Variants in ZEB1 observed in about 807,000 individuals in gnomAD.
The protein encoded by ZEB1 is zinc finger E-box-binding homeobox 1.
Under a neutral mutation model 84.9 loss-of-function variants are expected in ZEB1, and 21 were observed. That is an observed-to-expected ratio of 0.25 (90% CI 0.18 to 0.36). The LOEUF (loss-of-function observed/expected upper bound fraction) is 0.36, where lower values mean the gene tolerates loss of function less well. Among genes scored for constraint, ZEB1 ranks in the 10% least tolerant of loss-of-function variants. The pLI is 1.00. For missense variants in ZEB1, 1,104 were observed against 1,330.2 expected (o/e 0.83, Z 2.65); for synonymous variants, 420 against 471.1 (o/e 0.89, Z 1.41).
At chr10:31,460,948 T>C (rs1007795261) in intron 1 of ZEB1, 89 bp from the exon 2 acceptor site, 49 of 1,054,512 alleles carry the variant, frequency 4.6e-5, no homozygotes, top group African/African-American at 4.3e-4. Context: ...TTACAATCTG[T>C]TTTAAGCATC....
chr10:31,405,759 T>C (rs1211553250), intron 1 of ZEB1, among the ~76,000 whole-genome samples: 1 of 151,972 alleles, frequency 6.6e-6, no homozygotes, highest in Admixed American at 6.6e-5. Context: ...GTTTGTTACA[T>C]AGGTATACAT....
chr10:31,365,977 A>G (rs11008475), intron 1 of ZEB1, among the ~76,000 whole-genome samples: 9,558 of 152,182 alleles, frequency 0.063, 743 homozygotes, highest in African/African-American at 0.18. Context: ...CCTCAGTAAC[A>G]CGTTTAGGGC....
intron 1 of ZEB1, among the ~76,000 whole-genome samples, chr10:31,388,737 A>T (rs537425518): frequency 6.6e-6 from 1 of 151,964 alleles, no homozygotes; most frequent in Non-Finnish European, 1.5e-5. Context: ...AGTTTTTTTT[A>T]ATTTTTATTT....
chr10:31,444,883 A>C (rs917734564), intron 1 of ZEB1, among the ~76,000 whole-genome samples: 3 of 150,500 alleles, frequency 2.0e-5, no homozygotes, highest in African/African-American at 7.3e-5. Flanking sequence ...CTTAGGATTG[A>C]CTTGGCGATG....
chr10:31,449,418 C>A (rs955123165), intron 1 of ZEB1, among the ~76,000 whole-genome samples: 2 of 152,208 alleles, frequency 1.3e-5, no homozygotes, highest in Admixed American at 6.5e-5. Flanking sequence ...TGTTCCTATT[C>A]GGCCATCTTG....
intron 3 of ZEB1, among the ~76,000 whole-genome samples, chr10:31,500,992 A>G (rs2068042787): frequency 6.6e-6 from 1 of 152,214 alleles, no homozygotes; most frequent in Non-Finnish European, 1.5e-5. Context: ...TGTTACTGTC[A>G]TTGGTTCTCA....
In ZEB1 at chr10:31,527,436, CACACACACACACACACAA is replaced by C. The variant is rs2073707660; in HGVS notation, c.*174_*191del. On this transcript the variant is annotated 3_prime_UTR_variant, in exon 9 of 9. Transcript: ENST00000424869. ...AAACACACACACACACACACACACA[CACACACACACACACACAA>C]AATAAATCCGGGTGTGCCTGAACCT... The C allele has an allele frequency of 1.4e-6, 1 of 725,704 alleles. No homozygotes were observed. The highest frequency in any genetic ancestry group is 1.8e-5 in the African/African-American group (1 of 55,976). The allele number at this position is 725,704 out of a possible 1,614,324, so 45.0% of individuals were successfully genotyped here. A position where few individuals can be genotyped will look rare whatever the true frequency, so the allele number is the denominator to read the frequency against.
rs543169475 is a variant in ZEB1, at chr10:31,521,953, A to G, written c.2604+17A>G. Reference sequence around the variant, plus strand: ...GGAAATCAGGTAAAAAATAACCTCCATCCTGAACCTGGCTAGTAATATGCT... The same window carrying G: ...GGAAATCAGGTAAAAAATAACCTCCGTCCTGAACCTGGCTAGTAATATGCT... On this transcript the variant is annotated intron_variant, in intron 7 of 8. Coordinates refer to ENST00000424869, the MANE Select transcript of ZEB1 (RefSeq NM_001174096.2). 1 of 1,613,938 alleles carries G rather than the reference A, an allele frequency of 6.2e-7. No homozygotes were observed. The highest frequency in any genetic ancestry group is 1.1e-5 in the South Asian group (1 of 91,080).
intron 2 of ZEB1, among the ~76,000 whole-genome samples, chr10:31,474,699 TC>T (rs1451640038): frequency 1.8e-4 from 28 of 152,156 alleles, no homozygotes; most frequent in African/African-American, 6.8e-4. Context: ...GACCCAGCTA[TC>T]CCATTACTGG....
At chr10:31,414,571 A>T (rs1409878602) in intron 1 of ZEB1, among the ~76,000 whole-genome samples, 1 of 152,220 alleles carries the variant, frequency 6.6e-6, no homozygotes, top group South Asian at 2.1e-4. Context: ...AATTTTAGTT[A>T]TGAAATTTAC....
At chr10:31,435,228 C>T (rs2058147050) in intron 1 of ZEB1, among the ~76,000 whole-genome samples, 1 of 152,168 alleles carries the variant, frequency 6.6e-6, no homozygotes, top group Admixed American at 6.5e-5. Flanking sequence ...AATGCAGCAG[C>T]CTCTACAAGC....
intron 1 of ZEB1, among the ~76,000 whole-genome samples, chr10:31,397,869 C>A (rs1006896293): frequency 6.6e-5 from 10 of 152,104 alleles, no homozygotes; most frequent in African/African-American, 2.4e-4. Flanking sequence ...CTCCTAGATG[C>A]ATGTGTTATT....
intron 1 of ZEB1, among the ~76,000 whole-genome samples, chr10:31,444,081 C>T (rs2059425719): frequency 6.6e-6 from 1 of 151,218 alleles, no homozygotes; most frequent in African/African-American, 2.4e-5. Flanking sequence ...CCTGTTGTTT[C>T]CTGACTTTTT....
intron 1 of ZEB1, among the ~76,000 whole-genome samples, chr10:31,455,422 TAAAC>T (rs1204618062): frequency 6.6e-6 from 1 of 152,116 alleles, no homozygotes; most frequent in Non-Finnish European, 1.5e-5. Flanking sequence ...GGGATCTAAT[TAAAC>T]TAAAGAGCTT....
chr10:31,335,320 G>A (rs1188434259), intron 1 of ZEB1, among the ~76,000 whole-genome samples: 1 of 151,996 alleles, frequency 6.6e-6, no homozygotes, highest in Admixed American at 6.6e-5. Flanking sequence ...AAAAAACATA[G>A]TATTTATAGG....
chr10:31,387,114 C>T (rs1201446732), intron 1 of ZEB1: 1 of 985,820 alleles, frequency 1.0e-6, no homozygotes, highest in Non-Finnish European at 1.2e-6. Context: ...ACTCTTCTCT[C>T]CTCCCTTAGG....
At chr10:31,395,183 G>A (rs1028274718) in intron 1 of ZEB1, among the ~76,000 whole-genome samples, 3 of 152,166 alleles carry the variant, frequency 2.0e-5, no homozygotes, top group Non-Finnish European at 4.4e-5. Context: ...ATTAACAACA[G>A]TGTGCTAACA....
In ZEB1 at chr10:31,527,884, A is replaced by G. The variant is rs968486053; in HGVS notation, c.*620A>G. 6.5e-6 allele frequency: 1 copy of G among 152,890 alleles called. No individual in the cohort carries two copies. Among genetic ancestry groups the G allele is most frequent in the Non-Finnish European group, 1.5e-5 (1 of 68,330 alleles). 9.5% of individuals were successfully genotyped at this position (152,890 alleles called of 1,614,324 possible). A position where few individuals can be genotyped will look rare whatever the true frequency, so the allele number is the denominator to read the frequency against. ...ATATTTAGATGTCTTAGTAGAGCGT[A>G]TTATCATTTAAAGTGTATTGTTAGC... On this transcript the variant is annotated 3_prime_UTR_variant, in exon 9 of 9. Transcript: ENST00000424869.
chr10:31,430,256 T>G (rs186796802), intron 1 of ZEB1, among the ~76,000 whole-genome samples: 16 of 152,314 alleles, frequency 1.1e-4, no homozygotes, highest in African/African-American at 3.8e-4. Context: ...CTGTGTGTGT[T>G]TGTGTACTGG....
Sources: gnomAD v4.1 joint callset for allele counts (sites outside exome capture counted in the v4.1 genomes callset) on GRCh38, gnomAD v4.1.1 for gene constraint, MANE v1.5 for transcripts, NCBI Gene and HGNC (gene_info 2026-07-23, HGNC 2026-07-21) for gene names.